PRDM2: variants seen among roughly 807,000 people sequenced by gnomAD.
PRDM2 encodes PR domain zinc finger protein 2.
In PRDM2, 30 loss-of-function variants were observed where a neutral mutation model predicts 130.0. The observed-to-expected ratio is 0.23, with a 90% CI of 0.17 to 0.31. The LOEUF is 0.31. Among genes scored for constraint, PRDM2 ranks in the 10% least tolerant of loss-of-function variants. PRDM2 has a pLI of 1.00. For synonymous variants in PRDM2, 871 were observed against 782.4 expected, an observed-to-expected ratio of 1.11 and a Z score of -1.89; for missense variants, 2,011 against 2,108.4, an observed-to-expected ratio of 0.95 and a Z score of 0.90.
At chr1:13,729,358 A>G (rs1643026878) in intron 2 of PRDM2, among the ~76,000 whole-genome samples, 1 of 152,210 alleles carries the variant, frequency 6.6e-6, no homozygotes, top group African/African-American at 2.4e-5. Context: ...AGACGGAAGA[A>G]GAAAATCCCC....
intron 6 of PRDM2, chr1:13,772,316 T>C (rs1644377578): frequency 6.6e-6 from 1 of 152,272 alleles, no homozygotes; most frequent in Non-Finnish European, 1.5e-5. Context: ...GATAATTGTT[T>C]CTTATCTTCA....
chr1:13,749,103 G>A (rs1036154537), intron 5 of PRDM2, among the ~76,000 whole-genome samples: 3 of 152,104 alleles, frequency 2.0e-5, no homozygotes, highest in South Asian at 2.1e-4. Flanking sequence ...GACAGCACCC[G>A]GGCTCCGCTA....
intron 4 of PRDM2, among the ~76,000 whole-genome samples, chr1:13,739,221 G>T (rs1643365246): frequency 6.6e-6 from 1 of 151,818 alleles, no homozygotes; most frequent in African/African-American, 2.4e-5. Flanking sequence ...TAATTTTTTT[G>T]TATTTTTAGT....
At chr1:13,784,477 G>T (rs560965131) in intron 8 of PRDM2, among the ~76,000 whole-genome samples, 1 of 152,136 alleles carries the variant, frequency 6.6e-6, no homozygotes, top group Non-Finnish European at 1.5e-5. Flanking sequence ...TGCTTGTTTT[G>T]TACTTGGCCC....
chr1:13,780,025 C>T lies in PRDM2; in HGVS notation c.2230C>T (p.Pro744Ser). The T allele has an allele frequency of 6.2e-7, 1 of 1,614,176 alleles. No individual in the cohort carries two copies. Among genetic ancestry groups the T allele is most frequent in the South Asian group, 1.1e-5 (1 of 91,070 alleles). ...GCGGACCAGCTCTCCTCCCAGTTCT[C>T]CACAGCACAGTCCTGCCCTTCGAGA... ...KRRTSSPPSS[P>S]QHSPALRDFG... Residue 744 changes from proline (P) to serine (S), a missense_variant, in exon 8 of 10, where the codon CCA (proline) becomes TCA (serine). By Grantham distance (74) the Pro-to-Ser change is moderately conservative (BLOSUM62 -1). Around this residue, in one of 5 missense-constraint regions of PRDM2, gnomAD observed 1,288 missense variants for 1,237.7 expected, o/e 1.04. Coordinates refer to ENST00000311066, the MANE Select transcript of PRDM2 (RefSeq NM_001393986.1).
At chr1:13,707,378 A>G (rs1642241676) in intron 1 of PRDM2, among the ~76,000 whole-genome samples, 1 of 152,244 alleles carries the variant, frequency 6.6e-6, no homozygotes, top group South Asian at 2.1e-4. Context: ...GTGGAAAAAT[A>G]GTACACAGGG....
intron 1 of PRDM2, among the ~76,000 whole-genome samples, chr1:13,712,567 C>T (rs1286419890): frequency 6.6e-6 from 1 of 152,006 alleles, no homozygotes; most frequent in African/African-American, 2.4e-5. Flanking sequence ...CCATCATGGC[C>T]AACATGGTGA....
At chr1:13,745,429 T>G (rs1275653739) in intron 5 of PRDM2, among the ~76,000 whole-genome samples, 1 of 151,400 alleles carries the variant, frequency 6.6e-6, no homozygotes, top group African/African-American at 2.4e-5. Context: ...CTAATGGTTT[T>G]TTTTTTTTTT....
At chr1:13,754,545 GACA>G (rs1643904681) in intron 6 of PRDM2, among the ~76,000 whole-genome samples, 1 of 152,216 alleles carries the variant, frequency 6.6e-6, no homozygotes, top group African/African-American at 2.4e-5. Flanking sequence ...ACATGCAGTT[GACA>G]ACAACAGAAG....
At chr1:13,787,602 G>T (rs974153380) in intron 8 of PRDM2, 128 of 976,472 alleles carry the variant, frequency 1.3e-4, no homozygotes, top group Non-Finnish European at 1.5e-4. Context: ...GGGACTTTAT[G>T]TTGAAATATT....
At chr1:13,768,179 G>A (rs557818789) in intron 6 of PRDM2, among the ~76,000 whole-genome samples, 46 of 146,508 alleles carry the variant, frequency 3.1e-4, no homozygotes, top group Admixed American at 2.3e-3. Flanking sequence ...CCGGGTTCAC[G>A]CCATTCTCCT....
intron 8 of PRDM2, among the ~76,000 whole-genome samples, chr1:13,788,543 T>G (rs1037131989): frequency 2.6e-5 from 4 of 152,240 alleles, no homozygotes; most frequent in African/African-American, 9.6e-5. Context: ...CATAGCACTT[T>G]GCTAACCACA....
intron 4 of PRDM2, among the ~76,000 whole-genome samples, chr1:13,740,516 T>TA (rs1643406476): frequency 6.6e-6 from 1 of 152,216 alleles, no homozygotes; most frequent in African/African-American, 2.4e-5. Context: ...TGGTACCTGT[T>TA]ACGCAGTAGG....
chr1:13,741,205 A>G (rs1320804343), intron 4 of PRDM2, among the ~76,000 whole-genome samples: 1 of 152,168 alleles, frequency 6.6e-6, no homozygotes, highest in East Asian at 1.9e-4. Flanking sequence ...AAAATGAAGG[A>G]TGATAAATAA....
chr1:13,702,783 C>G (rs1448891885), intron 1 of PRDM2, among the ~76,000 whole-genome samples: 6 of 152,056 alleles, frequency 3.9e-5, no homozygotes. Context: ...TTCTGAGTAG[C>G]TTTTCATGTT....
intron 8 of PRDM2, among the ~76,000 whole-genome samples, chr1:13,795,255 G>C (rs867646676): frequency 6.6e-6 from 1 of 152,130 alleles, no homozygotes; most frequent in Non-Finnish European, 1.5e-5. Flanking sequence ...TGCTGGCCAC[G>C]ATGTAAATAA....
At chr1:13,704,419 G>A (rs990513189) in intron 1 of PRDM2, among the ~76,000 whole-genome samples, 1 of 151,986 alleles carries the variant, frequency 6.6e-6, no homozygotes, top group Non-Finnish European at 1.5e-5. Flanking sequence ...CCTATACTGT[G>A]TTTTCATTTA....
At position 13,803,267 on chromosome 1, in the gene PRDM2, G is replaced by A. The variant is rs1645036573; in HGVS notation, c.5037-13160G>A. Among the ~76,000 whole-genome samples the A allele has an allele frequency of 6.6e-6, 1 of 152,222 alleles. No individual in the cohort carries two copies. The highest frequency in any genetic ancestry group is 6.5e-5 in the Admixed American group (1 of 15,274). On this transcript the variant is annotated intron_variant, in intron 8 of 9. Transcript: ENST00000311066. The surrounding 1 kb of genome is among the most constrained non-coding windows in gnomAD (Gnocchi z 6.2). ...GCAGCATGGACAGGCACATTTCAGGGTTGAACCGCACCAGGAGCCTGGCTT... is the reference window on the plus strand; with the variant it reads ...GCAGCATGGACAGGCACATTTCAGGATTGAACCGCACCAGGAGCCTGGCTT...
At chr1:13,785,132 C>T (rs183984186) in intron 8 of PRDM2, among the ~76,000 whole-genome samples, 45 of 152,322 alleles carry the variant, frequency 3.0e-4, no homozygotes, top group African/African-American at 9.6e-4. Flanking sequence ...AGGCCTCAGC[C>T]TCAGTGCATA....
Sources: gnomAD v4.1 joint callset for allele counts (sites outside exome capture counted in the v4.1 genomes callset) on GRCh38, gnomAD v4.1.1 for gene constraint, gnomAD v4.1.1 regional missense constraint, Gnocchi (gnomAD v3.1) non-coding constraint, MANE v1.5 for transcripts, NCBI Gene and HGNC (gene_info 2026-07-23, HGNC 2026-07-21) for gene names.